The following CPEB3 variants were observed in gnomAD, a reference collection of about 807,000 sequenced individuals.
CPEB3 encodes the protein cytoplasmic polyadenylation element binding protein 3.
Under a neutral mutation model 67.2 loss-of-function variants are expected in CPEB3, and 20 were observed. That is an observed-to-expected ratio of 0.30 (90% CI 0.21 to 0.43). The LOEUF is 0.43. Among genes scored for constraint, CPEB3 ranks in the 20% least tolerant of loss-of-function variants. The pLI is 1.00. For missense variants in CPEB3, 746 were observed against 968.6 expected (o/e 0.77, Z 3.05); for synonymous variants, 376 against 393.1 (o/e 0.96, Z 0.51).
intron 7 of CPEB3, among the ~76,000 whole-genome samples, chr10:92,102,463 C>G (rs1160491560): frequency 6.6e-6 from 1 of 152,146 alleles, no homozygotes; most frequent in African/African-American, 2.4e-5. Flanking sequence ...GTTTAGGAAA[C>G]AGTCCAGGTA....
intron 4 of CPEB3, among the ~76,000 whole-genome samples, chr10:92,174,951 C>T (rs955672379): frequency 3.3e-5 from 5 of 152,086 alleles, no homozygotes; most frequent in Admixed American, 2.0e-4. Flanking sequence ...TAATAATACC[C>T]TATTTGTACG....
chr10:92,111,694 T>G (rs1207708555), intron 6 of CPEB3, among the ~76,000 whole-genome samples: 1 of 152,248 alleles, frequency 6.6e-6, no homozygotes. Context: ...GAATAGGCAC[T>G]GAGTTTCTTT....
rs919067832 is a variant in CPEB3, at chr10:92,234,065, C to T, written c.1005+5281G>A. On this transcript the variant is annotated intron_variant, in intron 2 of 9. Transcript: ENST00000265997. ...AGGTTGCAGTAAGCCGAGATCATAC[C>T]ACTGTACTCCAGCTTGGGGAACAGA... is the stretch of plus-strand genomic sequence containing the variant. Among the ~76,000 whole-genome samples, 4 of 145,784 alleles carry T rather than the reference C, an allele frequency of 2.7e-5. No homozygotes were observed. In the Admixed American group the frequency reaches 2.8e-4, roughly 10 times the overall value.
chr10:92,207,149 A>AT (rs1387717283), intron 2 of CPEB3, among the ~76,000 whole-genome samples: 1 of 151,990 alleles, frequency 6.6e-6, no homozygotes, highest in Non-Finnish European at 1.5e-5. Context: ...TGCCCTGCTA[A>AT]TTTTGGTATT....
At chr10:92,098,115 C>A (rs1010735103) in intron 7 of CPEB3, among the ~76,000 whole-genome samples, 1 of 116,342 alleles carries the variant, frequency 8.6e-6, no homozygotes. Flanking sequence ...GAGCCAAGAT[C>A]GCGCCATTGC....
intron 9 of CPEB3, among the ~76,000 whole-genome samples, chr10:92,060,919 T>G (rs1057243408): frequency 6.6e-6 from 1 of 152,190 alleles, no homozygotes; most frequent in African/African-American, 2.4e-5. Context: ...TTGGTTGGAA[T>G]GAAAATTAGT....
At chr10:92,119,974 G>T (rs200491030) in intron 6 of CPEB3, among the ~76,000 whole-genome samples, 6 of 151,180 alleles carry the variant, frequency 4.0e-5, no homozygotes, top group African/African-American at 1.5e-4. Flanking sequence ...AACAAATTGC[G>T]CCAGGCGCGG....
chr10:92,272,130 T>C (rs1351475034), intron 1 of CPEB3: 4 of 152,186 alleles, frequency 2.6e-5, no homozygotes, highest in African/African-American at 9.7e-5. Context: ...GGGTTAAGCA[T>C]GGCCCCATAA....
At chr10:92,197,112 T>TA (rs1304829221) in intron 2 of CPEB3, among the ~76,000 whole-genome samples, 1 of 152,162 alleles carries the variant, frequency 6.6e-6, no homozygotes, top group African/African-American at 2.4e-5. Context: ...AGTTCACAGA[T>TA]ACTAACCTAA....
Position 92,261,060 on chromosome 10 carries a change from T to G in CPEB3, c.-11-20699A>C, listed in dbSNP as rs1852776551. 2.0e-5 allele frequency among the ~76,000 whole-genome samples: 3 copies of G among 151,994 alleles called. No individual in the cohort carries two copies. The South Asian group carries it at 6.2e-4, about 32-fold the overall frequency. ...AACAGCCAGTAGCTAGTAGGTTCTG[T>G]ACAAGCTGATGAGTCACAGGGATCA... On this transcript the variant is annotated intron_variant, in intron 1 of 9. Transcript: ENST00000265997.
At chr10:92,233,972 T>C (rs753073151) in intron 2 of CPEB3, among the ~76,000 whole-genome samples, 2 of 151,996 alleles carry the variant, frequency 1.3e-5, no homozygotes, top group African/African-American at 4.8e-5. Flanking sequence ...CCAGGCATGG[T>C]GGCACGTGCC....
chr10:92,280,744 G>C (rs565967504), intron 1 of CPEB3, among the ~76,000 whole-genome samples: 2 of 145,348 alleles, frequency 1.4e-5, no homozygotes, highest in Non-Finnish European at 3.0e-5. Context: ...TAGACGGTGA[G>C]CATCTATTCT....
chr10:92,222,007 T>G (rs1321263305), intron 2 of CPEB3, among the ~76,000 whole-genome samples: 6 of 152,134 alleles, frequency 3.9e-5, no homozygotes, highest in Admixed American at 2.0e-4. Context: ...AAATTTCTAT[T>G]ATTTATAAAT....
intron 9 of CPEB3, among the ~76,000 whole-genome samples, chr10:92,064,717 G>A (rs1211934893): frequency 1.3e-5 from 2 of 152,156 alleles, no homozygotes; most frequent in Non-Finnish European, 2.9e-5. Flanking sequence ...CTGAAAGGAG[G>A]CCATGATTCA....
chr10:92,232,787 C>A (rs1056259015), intron 2 of CPEB3, among the ~76,000 whole-genome samples: 7 of 151,192 alleles, frequency 4.6e-5, no homozygotes, highest in African/African-American at 1.7e-4. Context: ...ATCAAATTGG[C>A]TAACCAATAG....
chr10:92,106,439 C>T (rs1190084419), intron 7 of CPEB3, among the ~76,000 whole-genome samples: 1 of 152,054 alleles, frequency 6.6e-6, no homozygotes, highest in African/African-American at 2.4e-5. Flanking sequence ...AGGTAACATT[C>T]ACGATACATG....
intron 1 of CPEB3, among the ~76,000 whole-genome samples, chr10:92,266,088 C>A (rs76758266): frequency 0.08 from 12,248 of 152,236 alleles, 643 homozygotes; most frequent in East Asian, 0.19. Context: ...ACTCTGCAGT[C>A]TCCACCAGCA....
At chr10:92,114,299 G>A (rs941654780) in intron 6 of CPEB3, among the ~76,000 whole-genome samples, 2 of 152,138 alleles carry the variant, frequency 1.3e-5, no homozygotes, top group Non-Finnish European at 2.9e-5. Context: ...GAAATCAGAG[G>A]ATTTTTTAAA....
intron 2 of CPEB3, among the ~76,000 whole-genome samples, chr10:92,193,741 C>T (rs1397803089): frequency 1.3e-5 from 2 of 152,014 alleles, no homozygotes; most frequent in East Asian, 3.8e-4. Context: ...TCCTGAAAAA[C>T]CAAAGGGTGA....
Sources: gnomAD v4.1 joint callset for allele counts (sites outside exome capture counted in the v4.1 genomes callset) on GRCh38, gnomAD v4.1.1 for gene constraint, MANE v1.5 for transcripts, NCBI Gene and HGNC (gene_info 2026-07-23, HGNC 2026-07-21) for gene names.